The following SRRT variants were observed in gnomAD, a reference collection of about 807,000 sequenced individuals.
SRRT encodes the protein serrate RNA effector molecule homolog.
In SRRT, 32 loss-of-function variants were observed where a neutral mutation model predicts 103.2. The ratio of observed to expected loss-of-function variants is 0.31; its 90% CI spans 0.23 to 0.42. SRRT has a LOEUF of 0.42. Among genes scored for constraint, SRRT ranks in the 10% least tolerant of loss-of-function variants. SRRT has a pLI of 1.00. For missense variants in SRRT, 986 were observed against 1,207.5 expected (o/e 0.82, Z 2.72); for synonymous variants, 525 against 449.0 (o/e 1.17, Z -2.14).
chr7:100,882,269 T>TGCCCTGGCATGTC lies in SRRT; in HGVS notation c.587+29_587+41dup. The TGCCCTGGCATGTC allele has an allele frequency of 6.2e-7, 1 of 1,606,676 alleles. No homozygotes were observed. The highest frequency in any genetic ancestry group is 8.5e-7 in the Non-Finnish European group (1 of 1,175,254). ...GAGTGCCCCTACTTCCCTGGACCTCTGCCCTGGCATGTCCCCCTGGCCCCG... is the reference window on the plus strand; with the variant it reads ...GAGTGCCCCTACTTCCCTGGACCTCTGCCCTGGCATGTCGCCCTGGCATGTCCCCCTGGCCCCG... On this transcript the variant is annotated intron_variant, in intron 5 of 19. Coordinates refer to ENST00000611405, the MANE Select transcript of SRRT (RefSeq NM_015908.6). This position sits in a 1 kb window ranked among gnomAD's most constrained non-coding sequence, Gnocchi z 4.2.
intron 2 of SRRT, among the ~76,000 whole-genome samples, chr7:100,878,354 T>C (rs1379610788): frequency 1.3e-5 from 2 of 151,970 alleles, no homozygotes; most frequent in African/African-American, 4.8e-5. Context: ...CTTCTACTAA[T>C]GTGAGCTTGA....
intron 18 of SRRT, 33 bp from the exon 19 acceptor site, chr7:100,888,224 A>G (rs1790365432): frequency 6.2e-7 from 1 of 1,601,578 alleles, no homozygotes. Context: ...TTGAGGACAT[A>G]GTTTTGCAAC....
chr7:100,875,204 C>T lies in SRRT; in HGVS notation c.-143C>T, dbSNP rs7789085. The T allele has an allele frequency of 0.26, 59,121 of 224,080 alleles. 9,180 individuals carry two copies. The highest frequency in any genetic ancestry group is 0.45 in the East Asian group (3,791 of 8,512). 13.9% of individuals were successfully genotyped at this position (224,080 alleles called of 1,614,324 possible). ...CCCACTTTTGTTCGCCTCTCTTCGG[C>T]CCTCTACTCAAGAGCTCCGTCTCCG... On this transcript the variant is annotated 5_prime_UTR_variant, in exon 1 of 20. Transcript: ENST00000611405.
Position 100,888,163 on chromosome 7 carries a change from G to A in SRRT, c.2428+20G>A. 1 of 1,603,860 alleles carries A rather than the reference G, an allele frequency of 6.2e-7. No homozygotes were observed. The highest frequency in any genetic ancestry group is 8.5e-7 in the Non-Finnish European group (1 of 1,175,358). On this transcript the variant is annotated intron_variant, in intron 18 of 19. Transcript: ENST00000611405. ...ATGGAGGTAAGTACAGGAGGGAGAT[G>A]AAGGGGCTTGGTGAGTGTGTGGCTT...
At chr7:100,880,318 G>C (rs1166130864) in intron 2 of SRRT, among the ~76,000 whole-genome samples, 3 of 152,022 alleles carry the variant, frequency 2.0e-5, no homozygotes, top group Non-Finnish European at 4.4e-5. Flanking sequence ...TTTTTTGGTG[G>C]GGGGGATGAA....
At position 100,882,528 on chromosome 7, in the gene SRRT, A is replaced by G. The variant is rs1423708296; in HGVS notation, c.587+287A>G. ...TGGGGCAGCAGACAGACTGCTTCCC[A>G]CTTGTTGGTGTTGGGTCATTGTCAT... On this transcript the variant is annotated intron_variant, in intron 5 of 19. Coordinates refer to ENST00000611405, the MANE Select transcript of SRRT (RefSeq NM_015908.6). The surrounding 1 kb of genome is among the most constrained non-coding windows in gnomAD (Gnocchi z 4.2). 2 of 329,316 alleles carry G rather than the reference A, an allele frequency of 6.1e-6. No individual in the cohort carries two copies. Among genetic ancestry groups the G allele is most frequent in the African/African-American group, 2.1e-5 (1 of 46,622 alleles). 20.4% of individuals were successfully genotyped at this position (329,316 alleles called of 1,614,324 possible).
Position 100,885,136 on chromosome 7 carries a change from G to A in SRRT, c.1160-77G>A, listed in dbSNP as rs1171455247. 1.2e-6 allele frequency: 2 copies of A among 1,602,024 alleles called. No individual in the cohort carries two copies. The highest frequency in any genetic ancestry group is 1.7e-6 in the Non-Finnish European group (2 of 1,173,004). On this transcript the variant is annotated intron_variant, in intron 9 of 19. Coordinates refer to ENST00000611405, the MANE Select transcript of SRRT (RefSeq NM_015908.6). The surrounding 1 kb of genome is among the most constrained non-coding windows in gnomAD (Gnocchi z 4.8). ...GACGGGAGGGTGGGTGGCTTTTAGGGGAAAGCTTCTGTATCCTCCCCACCA... is the reference window on the plus strand; with the variant it reads ...GACGGGAGGGTGGGTGGCTTTTAGGAGAAAGCTTCTGTATCCTCCCCACCA...
chr7:100,884,923 A>G lies in SRRT; in HGVS notation c.1042A>G (p.Ser348Gly), dbSNP rs1789941269. Residue 348 changes from serine (S) to glycine (G), a missense_variant and splice_region_variant, in exon 9 of 20, where the codon AGT (serine) becomes GGT (glycine). Transcript: ENST00000611405. ...GTCCCCTCTGCTGTGGCTCACACAG[A>G]GTAGCAAGAAGCGGAACCGGAAGCA... is the stretch of plus-strand genomic sequence containing the variant. Reference protein sequence around the residue: ...KEDSEKEAKKSSKKRNRKHSG... With the variant: ...KEDSEKEAKKGSKKRNRKHSG... 6.2e-7 allele frequency: 1 copy of G among 1,614,032 alleles called. No individual in the cohort carries two copies. Among genetic ancestry groups the G allele is most frequent in the Non-Finnish European group, 8.5e-7 (1 of 1,179,976 alleles).
At position 100,888,089 on chromosome 7, in the gene SRRT, C is replaced by T. The variant is rs754059476; in HGVS notation, c.2374C>T (p.Pro792Ser). 2 of 1,608,268 alleles carry T rather than the reference C, an allele frequency of 1.2e-6. No individual in the cohort carries two copies. The highest frequency in any genetic ancestry group is 3.4e-5 in the Admixed American group (2 of 59,304). Residue 792 changes from proline to serine, a missense_variant, in exon 18 of 20, where the codon CCC becomes TCC. Transcript: ENST00000611405. ...AGGACTCCCCTACCCACACCAGACTCCCCAGGGCCTGATGCCCTATGGTCA... is the reference window on the plus strand; with the variant it reads ...AGGACTCCCCTACCCACACCAGACTTCCCAGGGCCTGATGCCCTATGGTCA... ...TPGLPYPHQT[P>S]QGLMPYGQPR... is the part of the protein sequence containing the mutation.
At chr7:100,876,439 A>G (rs528168933) in intron 2 of SRRT, among the ~76,000 whole-genome samples, 1 of 152,326 alleles carries the variant, frequency 6.6e-6, no homozygotes, top group South Asian at 2.1e-4. Context: ...GGCATGAGCC[A>G]GTGCTTGGTC....
chr7:100,888,617 ATTT>A lies in SRRT; in HGVS notation c.*72_*74del. The A allele has an allele frequency of 6.2e-7, 1 of 1,600,572 alleles. No individual in the cohort carries two copies. Among genetic ancestry groups the A allele is most frequent in the Non-Finnish European group, 8.6e-7 (1 of 1,167,890 alleles). ...TACCTTGTCCTATGAAGCTCTGAGA[ATTT>A]TTTGTACGATCAGCCTTACTGCTAA... On this transcript the variant is annotated 3_prime_UTR_variant, in exon 20 of 20. Transcript: ENST00000611405.
chr7:100,888,124 C>T lies in SRRT; in HGVS notation c.2409C>T (p.Pro803=). Reference sequence around the variant, plus strand: ...TGATGCCCTATGGTCAGCCCCGGCCCCCGATCTTGGGCTATGGAGGTAAGT... The same window carrying T: ...TGATGCCCTATGGTCAGCCCCGGCCTCCGATCTTGGGCTATGGAGGTAAGT... The part of the protein sequence containing the change: ...QGLMPYGQPR[P]PILGYGAGAV... The change falls in exon 18 of 20, where the codon CCC becomes CCT. Residue 803 remains proline (P), a synonymous_variant. Coordinates refer to ENST00000611405, the MANE Select transcript of SRRT (RefSeq NM_015908.6). The T allele has an allele frequency of 1.2e-6, 2 of 1,610,576 alleles. No individual in the cohort carries two copies. Among genetic ancestry groups the T allele is most frequent in the African/African-American group, 2.7e-5 (2 of 74,886 alleles).
chr7:100,885,217 A>G lies in SRRT; in HGVS notation c.1164A>G (p.Glu388=). ...CCTACCCCCCTTCCTGCCTAGAAGA[A>G]GCGCTCAAGGAGAAGGAGAAGCCCA... ...QAEEEKEEAE[E]ALKEKEKPKE... is the part of the protein sequence containing the mutation. The change falls in exon 10 of 20, where the codon GAA becomes GAG. Residue 388 remains glutamate, a synonymous_variant. Coordinates refer to ENST00000611405, the MANE Select transcript of SRRT (RefSeq NM_015908.6). The surrounding 1 kb of genome is among the most constrained non-coding windows in gnomAD (Gnocchi z 4.8). 1 of 1,613,434 alleles carries G rather than the reference A, an allele frequency of 6.2e-7. No homozygotes were observed. The highest frequency in any genetic ancestry group is 8.5e-7 in the Non-Finnish European group (1 of 1,179,656).
In SRRT at chr7:100,885,427, G is replaced by A. The variant is rs895311070; in HGVS notation, c.1317+57G>A. On this transcript the variant is annotated intron_variant, in intron 10 of 19. Transcript: ENST00000611405. The surrounding 1 kb of genome is among the most constrained non-coding windows in gnomAD (Gnocchi z 4.8). Reference sequence around the variant, plus strand: ...CTGATGGAGAAGTGGAGGGTAGAGGGAAGGCAGTGGGGCCCTGCCTGTGAC... The same window carrying A: ...CTGATGGAGAAGTGGAGGGTAGAGGAAAGGCAGTGGGGCCCTGCCTGTGAC... 2.6e-6 allele frequency: 4 copies of A among 1,557,830 alleles called. No homozygotes were observed. In the African/African-American group the frequency reaches 4.1e-5, roughly 16 times the overall value.
At chr7:100,875,500 C>A (rs557511623) in intron 1 of SRRT, 73 bp from the exon 2 acceptor site, 30 of 1,581,668 alleles carry the variant, frequency 1.9e-5, no homozygotes, top group Non-Finnish European at 2.1e-5. Flanking sequence ...AGCGGGCGAG[C>A]TGCCCGCGAG....
In SRRT at chr7:100,885,458, C is replaced by CT. The variant is rs1184896313; in HGVS notation, c.1317+88_1317+89insT. 1.1e-5 allele frequency: 15 copies of CT among 1,316,032 alleles called. No homozygotes were observed. In the Admixed American group the frequency reaches 4.1e-4, roughly 36 times the overall value. The allele number at this position is 1,316,032 out of a possible 1,614,324, so 81.5% of individuals were successfully genotyped here. ...AGTGGGGCCCTGCCTGTGACAGATG[C>CT]CCCCGTTTCACCTGCTAGGGAGGCC... On this transcript the variant is annotated intron_variant, in intron 10 of 19. Transcript: ENST00000611405. This position sits in a 1 kb window ranked among gnomAD's most constrained non-coding sequence, Gnocchi z 4.8.
Position 100,887,822 on chromosome 7 carries a change from T to G in SRRT, c.2289T>G (p.Pro763=), listed in dbSNP as rs750925829. 3.7e-6 allele frequency: 6 copies of G among 1,611,116 alleles called. No individual in the cohort carries two copies. The highest frequency in any genetic ancestry group is 5.1e-6 in the Non-Finnish European group (6 of 1,177,442). ...CTGATGCTAAGCGCCCAGCTCTGCCTGAGATCAAGCCAGCCCAGCCACCTG... is the reference window on the plus strand; with the variant it reads ...CTGATGCTAAGCGCCCAGCTCTGCCGGAGATCAAGCCAGCCCAGCCACCTG... ...FLTDAKRPAL[P]EIKPAQPPGP... The change falls in exon 17 of 20, where the codon CCT becomes CCG. Residue 763 remains proline (P), a synonymous_variant. Coordinates refer to ENST00000611405, the MANE Select transcript of SRRT (RefSeq NM_015908.6). The surrounding 1 kb of genome is among the most constrained non-coding windows in gnomAD (Gnocchi z 4.1).
At chr7:100,880,229 AC>A (rs1816157207) in intron 2 of SRRT, among the ~76,000 whole-genome samples, 1 of 152,210 alleles carries the variant, frequency 6.6e-6, no homozygotes, top group Non-Finnish European at 1.5e-5. Context: ...TTCCGTTGAT[AC>A]AGCAGAGTGG....
chr7:100,886,077 C>G (rs1319546634), intron 12 of SRRT, 136 bp downstream of exon 12: 3 of 1,292,848 alleles, frequency 2.3e-6, no homozygotes, highest in Non-Finnish European at 2.2e-6. Flanking sequence ...TACGTTGTCT[C>G]TGGGCAAGGC....
Sources: allele counts gnomAD v4.1 joint callset (sites outside exome capture counted in the v4.1 genomes callset), GRCh38; gene constraint gnomAD v4.1.1; non-coding constraint Gnocchi (gnomAD v3.1); transcripts MANE v1.5; gene names NCBI Gene and HGNC (gene_info 2026-07-23, HGNC 2026-07-21).